MACROD2: variants seen among roughly 807,000 people sequenced by gnomAD.
The protein encoded by MACROD2 is mono-ADP ribosylhydrolase 2.
A neutral mutation model predicts 70.4 loss-of-function variants in MACROD2; 36 were observed. That is an observed-to-expected ratio of 0.51 (90% CI 0.39 to 0.68). The LOEUF is 0.68. MACROD2 is among the 30% of genes least tolerant of loss of function. MACROD2 has a pLI of 0.00. For synonymous variants in MACROD2, 172 were observed against 178.8 expected, an observed-to-expected ratio of 0.96 and a Z score of 0.30; for missense variants, 496 against 538.4, an observed-to-expected ratio of 0.92 and a Z score of 0.78.
intron 5 of MACROD2, among the ~76,000 whole-genome samples, chr20:15,108,381 T>C (rs1353430041): frequency 6.6e-6 from 1 of 152,202 alleles, no homozygotes; most frequent in Non-Finnish European, 1.5e-5. Context: ...GAAAGCATGA[T>C]GATGGATGAC....
intron 7 of MACROD2, among the ~76,000 whole-genome samples, chr20:15,478,233 G>T (rs1311781437): frequency 1.3e-5 from 2 of 152,222 alleles, no homozygotes; most frequent in Non-Finnish European, 2.9e-5. Flanking sequence ...AGCTGTGCCA[G>T]TGAGGTTCGA....
chr20:14,800,660 C>T (rs1015665545), intron 5 of MACROD2, among the ~76,000 whole-genome samples: 32 of 152,062 alleles, frequency 2.1e-4, no homozygotes, highest in African/African-American at 7.7e-4. Context: ...AAAATAAGTC[C>T]TTTCAGGTTA....
At chr20:15,751,906 A>C (rs183358294) in intron 8 of MACROD2, among the ~76,000 whole-genome samples, 193 of 151,608 alleles carry the variant, frequency 1.3e-3, no homozygotes, top group African/African-American at 4.2e-3. Flanking sequence ...TGTACATCAA[A>C]TGTGCTGTGA....
rs375905461 is a variant in MACROD2, at chr20:15,882,252, A to C, written c.728-3512A>C. Among the ~76,000 whole-genome samples, 500 of 152,242 alleles carry C rather than the reference A, an allele frequency of 3.3e-3. 19 individuals carry two copies. The South Asian group carries it at 0.077, about 23-fold the overall frequency. ...TGATTATCCACTAGCTAAATTGGGCACAGAAGCTTATCTCTTCTTCTTCAT... is the reference window on the plus strand; with the variant it reads ...TGATTATCCACTAGCTAAATTGGGCCCAGAAGCTTATCTCTTCTTCTTCAT... On this transcript the variant is annotated intron_variant, in intron 9 of 17. Transcript: ENST00000684519.
intron 5 of MACROD2, among the ~76,000 whole-genome samples, chr20:14,948,779 G>T (rs1443326160): frequency 6.6e-6 from 1 of 152,176 alleles, no homozygotes; most frequent in Non-Finnish European, 1.5e-5. Flanking sequence ...CAAAGGCTAT[G>T]TCAAGTGCCT....
At chr20:14,439,932 A>G (rs2122954590) in intron 3 of MACROD2, among the ~76,000 whole-genome samples, 1 of 152,252 alleles carries the variant, frequency 6.6e-6, no homozygotes, top group South Asian at 2.1e-4. Context: ...GCCCATGAAA[A>G]TGAGACTTGG....
intron 5 of MACROD2, among the ~76,000 whole-genome samples, chr20:14,743,289 T>C (rs936883040): frequency 6.6e-6 from 1 of 151,970 alleles, no homozygotes; most frequent in African/African-American, 2.4e-5. Context: ...CTTACATGGC[T>C]AGAGGGATGT....
chr20:14,956,387 G>A (rs745962626), intron 5 of MACROD2, among the ~76,000 whole-genome samples: 3 of 152,082 alleles, frequency 2.0e-5, no homozygotes, highest in Non-Finnish European at 2.9e-5. Flanking sequence ...CTCTAAACAC[G>A]TGAAATAAAT....
At chr20:14,874,118 T>G (rs1390033272) in intron 5 of MACROD2, among the ~76,000 whole-genome samples, 2 of 152,024 alleles carry the variant, frequency 1.3e-5, no homozygotes, top group Non-Finnish European at 2.9e-5. Context: ...TTTATATCTG[T>G]CTTTTTAAAG....
intron 15 of MACROD2, among the ~76,000 whole-genome samples, chr20:15,990,946 G>A (rs995136796): frequency 1.3e-5 from 2 of 152,284 alleles, no homozygotes; most frequent in Admixed American, 6.5e-5. Flanking sequence ...AAACAAGAGC[G>A]ATGGCATGGG....
At chr20:14,098,740 T>C (rs2148677154) in intron 3 of MACROD2, among the ~76,000 whole-genome samples, 1 of 152,320 alleles carries the variant, frequency 6.6e-6, no homozygotes, top group South Asian at 2.1e-4. Flanking sequence ...TAATTTACTC[T>C]CTTAAATATT....
At chr20:14,524,288 A>G (rs1243516480) in intron 4 of MACROD2, among the ~76,000 whole-genome samples, 1 of 152,182 alleles carries the variant, frequency 6.6e-6, no homozygotes, top group Non-Finnish European at 1.5e-5. Context: ...CTTTCACCTT[A>G]AGGATTCACT....
intron 6 of MACROD2, among the ~76,000 whole-genome samples, chr20:15,267,877 C>T (rs191595592): frequency 6.6e-6 from 1 of 152,284 alleles, no homozygotes; most frequent in Admixed American, 6.5e-5. Flanking sequence ...GGCCTGTGAA[C>T]AGGAATCTTT....
At chr20:15,708,852 T>C (rs879448262) in intron 8 of MACROD2, among the ~76,000 whole-genome samples, 1 of 151,648 alleles carries the variant, frequency 6.6e-6, no homozygotes, top group Non-Finnish European at 1.5e-5. Context: ...TAGCAAGACC[T>C]CATCTCTACA....
At chr20:15,373,743 A>T (rs1190530775) in intron 6 of MACROD2, among the ~76,000 whole-genome samples, 1 of 152,138 alleles carries the variant, frequency 6.6e-6, no homozygotes, top group African/African-American at 2.4e-5. Flanking sequence ...CTGGATTTTT[A>T]TTGAAATGTC....
At chr20:15,134,859 C>G (rs2076134531) in intron 5 of MACROD2, among the ~76,000 whole-genome samples, 1 of 151,922 alleles carries the variant, frequency 6.6e-6, no homozygotes, top group South Asian at 2.1e-4. Context: ...CAAATAGACA[C>G]AATAAAAAAT....
chr20:14,295,831 T>G (rs922726723), intron 3 of MACROD2, among the ~76,000 whole-genome samples: 2 of 151,832 alleles, frequency 1.3e-5, no homozygotes, highest in African/African-American at 4.9e-5. Flanking sequence ...AAACTTTTAT[T>G]GCACATGTTA....
chr20:15,778,052 C>T (rs1320574935), intron 8 of MACROD2, among the ~76,000 whole-genome samples: 1 of 152,092 alleles, frequency 6.6e-6, no homozygotes, highest in Admixed American at 6.5e-5. Flanking sequence ...AGACACTGTG[C>T]CAAGATTGAA....
intron 5 of MACROD2, among the ~76,000 whole-genome samples, chr20:15,050,937 A>G (rs1350630615): frequency 1.3e-5 from 2 of 152,166 alleles, no homozygotes; most frequent in African/African-American, 4.8e-5. Context: ...GAAGGATTTT[A>G]TTATAAAATG....
Sources: allele counts gnomAD v4.1 joint callset (sites outside exome capture counted in the v4.1 genomes callset), GRCh38; gene constraint gnomAD v4.1.1; transcripts MANE v1.5; gene names NCBI Gene and HGNC (gene_info 2026-07-23, HGNC 2026-07-21).